Variants in NEK11 observed in about 807,000 individuals in gnomAD.
The protein encoded by NEK11 is NIMA related kinase 11, also known as serine/threonine-protein kinase Nek11.
In NEK11, 72 loss-of-function variants were observed where a neutral mutation model predicts 80.7. The ratio of observed to expected loss-of-function variants is 0.89; its 90% confidence interval spans 0.74 to 1.08. The LOEUF is 1.08. Among genes scored for constraint, NEK11 ranks in the 50% least tolerant of loss-of-function variants. The probability of loss-of-function intolerance (pLI) is 0.00; values close to 1 mark genes in which losing one functional copy is unlikely to be tolerated. For missense variants in NEK11, 764 were observed against 763.6 expected (o/e 1.00, Z -0.01); for synonymous variants, 251 against 260.7 (o/e 0.96, Z 0.36).
At chr3:131,245,999 T>G (rs2095596825) in intron 16 of NEK11, among the ~76,000 whole-genome samples, 1 of 152,160 alleles carries the variant, frequency 6.6e-6, no homozygotes, top group African/African-American at 2.4e-5. Flanking sequence ...AAGTCCCATT[T>G]GTCTATTTTT....
In NEK11 at chr3:131,080,648, T is replaced by C. The variant is rs904685325; in HGVS notation, c.336+60T>C. 4 of 1,440,570 alleles carry C rather than the reference T, an allele frequency of 2.8e-6. No homozygotes were observed. In the African/African-American group the frequency reaches 5.7e-5, roughly 21 times the overall value. 89.2% of individuals were successfully genotyped at this position (1,440,570 alleles called of 1,614,324 possible). The stretch of plus-strand genomic sequence containing the variant: ...AAAACTTGCTGAATGGTAAAAAGCC[T>C]TCTGTAAAGAGATCTTAAAAGTCCA... On this transcript the variant is annotated intron_variant, in intron 4 of 17. Transcript: ENST00000383366.
intron 17 of NEK11, among the ~76,000 whole-genome samples, chr3:131,337,742 A>T (rs556355718): frequency 6.6e-6 from 1 of 152,246 alleles, no homozygotes; most frequent in East Asian, 1.9e-4. Context: ...GAACTGAGTG[A>T]CTAGACTGCA....
Position 131,083,533 on chromosome 3 carries a change from C to A in NEK11, c.336+2945C>A, listed in dbSNP as rs550613726. ...GACCCAAATTTACTCTTAACTGGCA[C>A]AGGGCTGGTGTTATCCTTTTTATTA... On this transcript the variant is annotated intron_variant, in intron 4 of 17. Transcript: ENST00000383366. Among the ~76,000 whole-genome samples, 3 of 152,348 alleles carry A rather than the reference C, an allele frequency of 2.0e-5. No individual in the cohort carries two copies. In the East Asian group the frequency reaches 5.8e-4, roughly 29 times the overall value.
chr3:131,129,207 G>T lies in NEK11; in HGVS notation c.456-3538G>T, dbSNP rs4974474. 2.8e-4 allele frequency among the ~76,000 whole-genome samples: 43 copies of T among 151,972 alleles called. 1 individual carries two copies. The highest frequency in any genetic ancestry group is 4.2e-4 in the South Asian group (2 of 4,802). On this transcript the variant is annotated intron_variant, in intron 5 of 17. Coordinates refer to ENST00000383366, the MANE Select transcript of NEK11 (RefSeq NM_024800.5). ...CTGGGACTACAGGTGCCCACCACCA[G>T]GCCTGGCTAATTTTATTTTTGTATT...
chr3:131,074,718 A>G (rs2074045907), intron 3 of NEK11, among the ~76,000 whole-genome samples: 1 of 152,204 alleles, frequency 6.6e-6, no homozygotes, highest in Admixed American at 6.5e-5. Flanking sequence ...TGCAGCAAGT[A>G]TAAAGCGGTT....
intron 17 of NEK11, among the ~76,000 whole-genome samples, chr3:131,318,635 T>G (rs1407420129): frequency 1.3e-5 from 2 of 151,964 alleles, no homozygotes; most frequent in Non-Finnish European, 2.9e-5. Flanking sequence ...GCTTGTGTGG[T>G]GAGCTCTCTA....
intron 6 of NEK11, 41 bp from the exon 7 acceptor site, chr3:131,133,789 G>A (rs760426257): frequency 5.6e-5 from 87 of 1,557,820 alleles, no homozygotes; most frequent in East Asian, 1.1e-4. Context: ...CTAATTTTTC[G>A]TTGGCTTAAA....
At chr3:131,120,382 C>A (rs1419887189) in intron 5 of NEK11, among the ~76,000 whole-genome samples, 2 of 152,140 alleles carry the variant, frequency 1.3e-5, no homozygotes, top group Non-Finnish European at 2.9e-5. Flanking sequence ...TTGTGGGTAA[C>A]CCGACCTTTC....
intron 14 of NEK11, among the ~76,000 whole-genome samples, chr3:131,176,126 C>T (rs1299496238): frequency 6.6e-6 from 1 of 152,130 alleles, no homozygotes; most frequent in East Asian, 1.9e-4. Context: ...GAGGTGCACA[C>T]ATCTGAGTAG....
Position 131,165,576 on chromosome 3 carries a change from G to A in NEK11, c.1176+57G>A, listed in dbSNP as rs76024131. 3.6e-3 allele frequency: 3,694 copies of A among 1,028,712 alleles called. 93 individuals are homozygous for A. The African/African-American group carries it at 0.052, about 14-fold the overall frequency. 63.7% of individuals were successfully genotyped at this position (1,028,712 alleles called of 1,614,324 possible). A position where few individuals can be genotyped will look rare whatever the true frequency, so the allele number is the denominator to read the frequency against. On this transcript the variant is annotated intron_variant, in intron 12 of 17. Transcript: ENST00000383366. ...AAAATTTTTCTTGCTTTAGATTCAT[G>A]GCGATGATTGGGTAGGAAAAGGGAC...
intron 4 of NEK11, among the ~76,000 whole-genome samples, chr3:131,105,515 G>A (rs1034664130): frequency 3.3e-5 from 5 of 152,184 alleles, no homozygotes; most frequent in Non-Finnish European, 7.3e-5. Flanking sequence ...AGGTTTAATT[G>A]ACTCACAGTT....
At chr3:131,215,337 G>A (rs1379055982) in intron 14 of NEK11, among the ~76,000 whole-genome samples, 1 of 151,904 alleles carries the variant, frequency 6.6e-6, no homozygotes, top group Non-Finnish European at 1.5e-5. Context: ...ACGAGTTAAT[G>A]GGTGCAGCAC....
chr3:131,309,897 G>A (rs2096761062), intron 17 of NEK11, among the ~76,000 whole-genome samples: 1 of 149,110 alleles, frequency 6.7e-6, no homozygotes, highest in African/African-American at 2.5e-5. Context: ...GCTGAGGCAG[G>A]AGGATCGGTT....
At chr3:131,213,058 C>T (rs2094689474) in intron 14 of NEK11, among the ~76,000 whole-genome samples, 1 of 152,128 alleles carries the variant, frequency 6.6e-6, no homozygotes, top group Non-Finnish European at 1.5e-5. Flanking sequence ...CTTAAGGTTG[C>T]AACATTAACT....
intron 14 of NEK11, among the ~76,000 whole-genome samples, chr3:131,215,223 TGA>T (rs1341838167): frequency 1.5e-5 from 2 of 131,084 alleles, no homozygotes; most frequent in Non-Finnish European, 3.1e-5. Flanking sequence ...AATTGAACAA[TGA>T]GAACACTTGG....
intron 14 of NEK11, among the ~76,000 whole-genome samples, chr3:131,215,464 A>G (rs2083118418): frequency 6.6e-6 from 1 of 152,094 alleles, no homozygotes; most frequent in Admixed American, 6.5e-5. Flanking sequence ...GATATTGTCT[A>G]CCATGGGGGT....
At chr3:131,273,724 C>A in intron 17 of NEK11, 150 bp downstream of exon 17, 1 of 584,346 alleles carries the variant, frequency 1.7e-6, no homozygotes, top group Non-Finnish European at 3.1e-6. Flanking sequence ...AGAAACTTCT[C>A]TCTAAAATTC....
rs2076369114 is a variant in NEK11, at chr3:131,088,940, C to T, written c.336+8352C>T. Among the ~76,000 whole-genome samples the T allele has an allele frequency of 2.6e-5, 4 of 152,136 alleles. No homozygotes were observed. The South Asian group carries it at 6.2e-4, about 24-fold the overall frequency. On this transcript the variant is annotated intron_variant, in intron 4 of 17. Transcript: ENST00000383366. ...GTCCTTGGGTTGTACAATATAATGA[C>T]AAAGGATCTCCTCCCTCACTGCCTT...
At chr3:131,238,141 T>G (rs959831568) in intron 15 of NEK11, among the ~76,000 whole-genome samples, 1 of 152,172 alleles carries the variant, frequency 6.6e-6, no homozygotes, top group Non-Finnish European at 1.5e-5. Flanking sequence ...GCTCCCTCCC[T>G]GTCTTCAAGT....
Sources: gnomAD v4.1 joint callset for allele counts (sites outside exome capture counted in the v4.1 genomes callset) on GRCh38, gnomAD v4.1.1 for gene constraint, MANE v1.5 for transcripts, NCBI Gene and HGNC (gene_info 2026-07-23, HGNC 2026-07-21) for gene names.